FOXO3: variants seen among roughly 807,000 people sequenced by gnomAD.
FOXO3 encodes the protein forkhead box O3.
In FOXO3, 4 loss-of-function variants were observed where a neutral mutation model predicts 41.9. The ratio of observed to expected loss-of-function variants is 0.10; its 90% confidence interval spans 0.05 to 0.22. FOXO3 has a LOEUF of 0.22. Among genes scored for constraint, FOXO3 ranks in the 10% least tolerant of loss-of-function variants. The pLI, the probability that FOXO3 is intolerant of heterozygous loss-of-function variation, is 1.00. For missense variants in FOXO3, 534 were observed against 906.8 expected (o/e 0.59, Z 5.28); for synonymous variants, 318 against 389.3 (o/e 0.82, Z 2.16).
At chr6:108,590,781 T>G (rs1776713432) in intron 1 of FOXO3, among the ~76,000 whole-genome samples, 1 of 152,254 alleles carries the variant, frequency 6.6e-6, no homozygotes, top group Non-Finnish European at 1.5e-5. Flanking sequence ...GAATTTTGGA[T>G]GCCTTGCTTG....
intron 2 of FOXO3, among the ~76,000 whole-genome samples, chr6:108,667,483 T>C (rs1199665235): frequency 2.0e-5 from 3 of 152,220 alleles, no homozygotes; most frequent in Admixed American, 1.3e-4. Flanking sequence ...TTGGAAAATA[T>C]GTGTTCAGAA....
chr6:108,625,029 G>T (rs1777771079), intron 1 of FOXO3, among the ~76,000 whole-genome samples: 1 of 152,082 alleles, frequency 6.6e-6, no homozygotes, highest in African/African-American at 2.4e-5. Context: ...TGATCCTCTT[G>T]TCTCAGCCTC....
chr6:108,562,057 G>C (rs1326253466), intron 1 of FOXO3, among the ~76,000 whole-genome samples: 1 of 152,146 alleles, frequency 6.6e-6, no homozygotes, highest in African/African-American at 2.4e-5. Context: ...GCATGGCCAG[G>C]TGAGGAGAGG....
chr6:108,574,143 ACT>A (rs1366593648), intron 1 of FOXO3, among the ~76,000 whole-genome samples: 2 of 138,632 alleles, frequency 1.4e-5, no homozygotes, highest in Non-Finnish European at 3.1e-5. Context: ...ACAGAGCGAG[ACT>A]CTGTCTCAAA....
intron 1 of FOXO3, among the ~76,000 whole-genome samples, chr6:108,662,555 T>C (rs1484157963): frequency 1.3e-5 from 2 of 152,208 alleles, no homozygotes; most frequent in Non-Finnish European, 1.5e-5. Context: ...AAGAGTTACA[T>C]GGTAAGGTGT....
At chr6:108,607,137 C>G (rs1354175825) in intron 1 of FOXO3, among the ~76,000 whole-genome samples, 1 of 151,924 alleles carries the variant, frequency 6.6e-6, no homozygotes, top group Non-Finnish European at 1.5e-5. Flanking sequence ...AATTTTTATC[C>G]CAAATTGAAA....
chr6:108,568,424 T>A (rs1776004765), intron 1 of FOXO3, among the ~76,000 whole-genome samples: 1 of 151,440 alleles, frequency 6.6e-6, no homozygotes, highest in African/African-American at 2.4e-5. Flanking sequence ...CCATCAGCAC[T>A]CTCTACTTAC....
chr6:108,578,696 C>A (rs961048182), intron 1 of FOXO3, among the ~76,000 whole-genome samples: 3 of 152,172 alleles, frequency 2.0e-5, no homozygotes, highest in Admixed American at 2.0e-4. Flanking sequence ...TTTAAAACCA[C>A]TATCAGACGG....
At chr6:108,597,655 C>G (rs1776923714) in intron 1 of FOXO3, among the ~76,000 whole-genome samples, 2 of 152,124 alleles carry the variant, frequency 1.3e-5, no homozygotes, top group South Asian at 4.1e-4. Context: ...GTTAGGTACT[C>G]CATGTTTTAA....
At chr6:108,650,977 A>G (rs1264110428) in intron 1 of FOXO3, among the ~76,000 whole-genome samples, 5 of 152,168 alleles carry the variant, frequency 3.3e-5, no homozygotes, top group African/African-American at 1.2e-4. Flanking sequence ...GTGGTTTTGA[A>G]CAAGAAAAAA....
chr6:108,602,814 G>A (rs1008259526), intron 1 of FOXO3, among the ~76,000 whole-genome samples: 3 of 152,152 alleles, frequency 2.0e-5, no homozygotes, highest in Non-Finnish European at 4.4e-5. Context: ...GAAGCTCTTA[G>A]AGCTGAGAGT....
At chr6:108,651,858 G>A (rs898324614) in intron 1 of FOXO3, among the ~76,000 whole-genome samples, 5 of 152,202 alleles carry the variant, frequency 3.3e-5, no homozygotes, top group African/African-American at 1.2e-4. Context: ...TCCTGATCAC[G>A]TCGTCAGTTG....
chr6:108,593,830 C>T (rs1399984002), intron 1 of FOXO3, among the ~76,000 whole-genome samples: 1 of 147,922 alleles, frequency 6.8e-6, no homozygotes, highest in East Asian at 2.0e-4. Flanking sequence ...GATTCTCCTG[C>T]CTCAGCCTCC....
intron 2 of FOXO3, among the ~76,000 whole-genome samples, chr6:108,667,110 C>G (rs937651247): frequency 6.6e-6 from 1 of 152,176 alleles, no homozygotes; most frequent in Non-Finnish European, 1.5e-5. Flanking sequence ...TCTCAACTTT[C>G]TCAGGCCTAA....
chr6:108,670,634 C>T (rs960542418), intron 2 of FOXO3, among the ~76,000 whole-genome samples: 1 of 152,140 alleles, frequency 6.6e-6, no homozygotes, highest in Non-Finnish European at 1.5e-5. Flanking sequence ...TGCAGTGTTT[C>T]CTAAATGTGT....
intron 1 of FOXO3, among the ~76,000 whole-genome samples, chr6:108,611,857 TA>T (rs1777375807): frequency 6.6e-6 from 1 of 152,198 alleles, no homozygotes; most frequent in East Asian, 1.9e-4. Context: ...ACTAAAGAGC[TA>T]AGTTTTAGCT....
intron 1 of FOXO3, among the ~76,000 whole-genome samples, chr6:108,655,402 T>C (rs1778656114): frequency 6.6e-6 from 1 of 152,250 alleles, no homozygotes; most frequent in Non-Finnish European, 1.5e-5. Context: ...AGGAAGTTAC[T>C]GTGCTATGTT....
chr6:108,658,185 C>G (rs565325279), intron 1 of FOXO3, among the ~76,000 whole-genome samples: 1 of 152,126 alleles, frequency 6.6e-6, no homozygotes, highest in East Asian at 1.9e-4. Flanking sequence ...GGTAACTGGG[C>G]GTTTGAACTG....
intron 2 of FOXO3, among the ~76,000 whole-genome samples, chr6:108,672,844 ATT>A (rs143369629): frequency 6.7e-5 from 10 of 150,070 alleles, no homozygotes; most frequent in Admixed American, 4.0e-4. Flanking sequence ...AGGTTGTGGG[ATT>A]TTTTTGTTTC....
Sources: allele counts gnomAD v4.1 joint callset (sites outside exome capture counted in the v4.1 genomes callset), GRCh38; gene constraint gnomAD v4.1.1; transcripts MANE v1.5; gene names NCBI Gene and HGNC (gene_info 2026-07-23, HGNC 2026-07-21).